The following PSMG4 variants were observed in gnomAD, a reference collection of about 807,000 sequenced individuals.
PSMG4 encodes the protein proteasome assembly chaperone 4.
In PSMG4, 10 loss-of-function variants were observed where a neutral mutation model predicts 11.0. The ratio of observed to expected loss-of-function variants is 0.91; its 90% CI spans 0.56 to 1.54. The LOEUF (loss-of-function observed/expected upper bound fraction) is 1.54, where lower values mean the gene tolerates loss of function less well. Ranked by LOEUF, PSMG4 falls within the 40% of genes most tolerant of loss-of-function variation. PSMG4 has a pLI of 0.00. For missense variants in PSMG4, 198 were observed against 160.9 expected (o/e 1.23, Z -1.25); for synonymous variants, 95 against 71.3 (o/e 1.33, Z -1.68).
At chr6:3,266,076 C>A (rs1758171831) in intron 2 of PSMG4, 1 of 152,158 alleles carries the variant, frequency 6.6e-6, no homozygotes, top group Non-Finnish European at 1.5e-5. Context: ...GAGTTAATAC[C>A]CAAGACCTTT....
At chr6:3,256,797 C>T (rs1757781819), upstream of PSMG4, among the ~76,000 whole-genome samples, 1 of 152,156 alleles carries the variant, frequency 6.6e-6, no homozygotes, top group East Asian at 1.9e-4. Context: ...TAGTCTGCCT[C>T]CATCAGTTAT....
intron 2 of PSMG4, chr6:3,264,164 C>A (rs1758097833): frequency 1.3e-6 from 2 of 1,549,460 alleles, no homozygotes; most frequent in Non-Finnish European, 1.7e-6. Context: ...CAGGTGTCAC[C>A]TCTGTGCAGG....
At chr6:3,259,260 C>A (rs1561839986) in intron 1 of PSMG4, 64 bp downstream of exon 1, 16 of 1,208,670 alleles carry the variant, frequency 1.3e-5, no homozygotes, top group Non-Finnish European at 1.7e-5. Flanking sequence ...CGGGCCTGCG[C>A]GAGCTGCAGC....
chr6:3,254,778 C>T (rs1016575721), upstream of PSMG4, among the ~76,000 whole-genome samples: 10 of 152,296 alleles, frequency 6.6e-5, no homozygotes, highest in East Asian at 7.7e-4. Context: ...CCTGTAGGGT[C>T]TGGCTGAATG....
At chr6:3,264,209 G>T (rs1273861537) in intron 2 of PSMG4, 1 of 1,551,518 alleles carries the variant, frequency 6.4e-7, no homozygotes, top group Non-Finnish European at 8.7e-7. Context: ...TACCGTTCAG[G>T]GCTCGGAGGG....
chr6:3,266,720 T>C (rs1341908574), intron 2 of PSMG4: 1 of 93,436 alleles, frequency 1.1e-5, no homozygotes, highest in Admixed American at 1.2e-4. Context: ...TGTGTCCATA[T>C]GCCTATCTGT....
upstream of PSMG4, among the ~76,000 whole-genome samples, chr6:3,255,710 G>A (rs1049013258): frequency 6.6e-5 from 10 of 152,264 alleles, no homozygotes; most frequent in Non-Finnish European, 1.5e-4. Flanking sequence ...AGCAGGAACT[G>A]AAGAAGGGGT....
At position 3,259,275 on chromosome 6, in the gene PSMG4, C is replaced by T. The variant is rs981593007; in HGVS notation, c.174+79C>T. ...CGGGCCTGCGCGAGCTGCAGCCCCC[C>T]AGGCTTCTCTTGGGTCCACAGGGCG... On this transcript the variant is annotated intron_variant, in intron 1 of 2. Transcript: ENST00000438998. 39 of 1,184,470 alleles carry T rather than the reference C, an allele frequency of 3.3e-5. No homozygotes were observed. In the Admixed American group the frequency reaches 6.9e-4, roughly 21 times the overall value. 73.4% of individuals were successfully genotyped at this position (1,184,470 alleles called of 1,614,324 possible).
intron 1 of PSMG4, 69 bp downstream of exon 1, chr6:3,259,265 T>A (rs1377806695): frequency 8.3e-7 from 1 of 1,204,208 alleles, no homozygotes; most frequent in Non-Finnish European, 1.0e-6. Flanking sequence ...CTGCGCGAGC[T>A]GCAGCCCCCC....
upstream of PSMG4, among the ~76,000 whole-genome samples, chr6:3,256,601 T>A (rs1166079923): frequency 6.6e-6 from 1 of 151,580 alleles, no homozygotes; most frequent in Admixed American, 6.5e-5. Flanking sequence ...CCAGGCATCA[T>A]AATGTTTTTG....
upstream of PSMG4, among the ~76,000 whole-genome samples, chr6:3,255,995 A>G (rs997477094): frequency 9.2e-5 from 14 of 152,352 alleles, no homozygotes; most frequent in Non-Finnish European, 1.6e-4. Context: ...GGCAGCCACA[A>G]TGGGGATTGC....
At chr6:3,266,785 ACG>A (rs1257162562) in intron 2 of PSMG4, 3 of 152,156 alleles carry the variant, frequency 2.0e-5, no homozygotes, top group African/African-American at 4.8e-5. Flanking sequence ...ATGCATGGAA[ACG>A]TAGGAGGGAG....
upstream of PSMG4, among the ~76,000 whole-genome samples, chr6:3,255,661 GC>G (rs1202384776): frequency 6.6e-6 from 1 of 152,212 alleles, no homozygotes; most frequent in African/African-American, 2.4e-5. Context: ...GAGTCCGAGA[GC>G]CTTAAGTGAT....
intron 1 of PSMG4, among the ~76,000 whole-genome samples, chr6:3,261,289 G>A (rs951205493): frequency 4.6e-5 from 7 of 152,122 alleles, no homozygotes; most frequent in African/African-American, 1.7e-4. Context: ...TGAGCAGGCG[G>A]CAGCGGAAGA....
At chr6:3,258,297 A>AG (rs1312807379), upstream of PSMG4, among the ~76,000 whole-genome samples, 1 of 152,256 alleles carries the variant, frequency 6.6e-6, no homozygotes, top group Admixed American at 6.5e-5. Flanking sequence ...AGAGAGGTTA[A>AG]GGGGGTAGCC....
At chr6:3,255,847 C>T (rs1320424114), upstream of PSMG4, among the ~76,000 whole-genome samples, 1 of 142,378 alleles carries the variant, frequency 7.0e-6, no homozygotes, top group Non-Finnish European at 1.5e-5. Context: ...TGAATGTCGT[C>T]CATCTCACGT....
chr6:3,260,991 C>T (rs558417140), intron 1 of PSMG4, among the ~76,000 whole-genome samples: 1 of 152,292 alleles, frequency 6.6e-6, no homozygotes, highest in South Asian at 2.1e-4. Context: ...TGAGGTTTGT[C>T]TGCTTGCCCA....
upstream of PSMG4, among the ~76,000 whole-genome samples, chr6:3,256,181 G>T (rs889188951): frequency 6.6e-6 from 1 of 152,186 alleles, no homozygotes; most frequent in Admixed American, 6.5e-5. Flanking sequence ...TGGGGGAAGG[G>T]CAATAATTCT....
intron 2 of PSMG4, 97 bp from the exon 3 acceptor site, chr6:3,267,494 C>T: frequency 1.4e-6 from 2 of 1,404,010 alleles, no homozygotes; most frequent in East Asian, 2.6e-5. Flanking sequence ...ACAACCCCAT[C>T]CTCTTTCTGA....
Sources: gnomAD v4.1 joint callset for allele counts (sites outside exome capture counted in the v4.1 genomes callset) on GRCh38, gnomAD v4.1.1 for gene constraint, MANE v1.5 for transcripts, NCBI Gene and HGNC (gene_info 2026-07-23, HGNC 2026-07-21) for gene names.